Variants in TBC1D16 observed in about 807,000 individuals in gnomAD.
TBC1D16 encodes TBC1 domain family member 16, also known as CTD-2529O21.1.
In TBC1D16, 58 loss-of-function variants were observed where a neutral mutation model predicts 74.7. The observed-to-expected ratio is 0.78, with a 90% CI of 0.63 to 0.97. The LOEUF is 0.97. Ranked by LOEUF, TBC1D16 falls within the 50% of genes least tolerant of loss-of-function variation. The pLI, the probability that TBC1D16 is intolerant of heterozygous loss-of-function variation, is 0.00. For synonymous variants in TBC1D16, 493 were observed against 474.7 expected, an observed-to-expected ratio of 1.04 and a Z score of -0.50; for missense variants, 1,014 against 1,079.5, an observed-to-expected ratio of 0.94 and a Z score of 0.85.
chr17:79,983,291 C>T lies in TBC1D16; in HGVS notation c.779+26869G>A, dbSNP rs371296433. Among the ~76,000 whole-genome samples, 522 of 152,316 alleles carry T rather than the reference C, an allele frequency of 3.4e-3. 5 individuals carry two copies. The highest frequency in any genetic ancestry group is 0.01 in the African/African-American group (424 of 41,566). On this transcript the variant is annotated intron_variant, in intron 3 of 11. Coordinates refer to ENST00000310924, the MANE Select transcript of TBC1D16 (RefSeq NM_019020.4). The surrounding 1 kb of genome is among the most constrained non-coding windows in gnomAD (Gnocchi z 5.6). ...TAATCTCAGGGACTCTCAGCTGGCC[C>T]CACCCCAGGAAATGCAGTCGGTGTG...
At chr17:80,005,658 A>C (rs2035647065) in intron 3 of TBC1D16, among the ~76,000 whole-genome samples, 2 of 152,126 alleles carry the variant, frequency 1.3e-5, no homozygotes, top group African/African-American at 4.8e-5. Flanking sequence ...GTCAGCCTCG[A>C]ATACTCACTT....
chr17:80,003,954 T>C (rs1297244033), intron 3 of TBC1D16, among the ~76,000 whole-genome samples: 3 of 152,030 alleles, frequency 2.0e-5, no homozygotes, highest in African/African-American at 7.2e-5. Context: ...GAGGCTGAGG[T>C]GGGAGGATCG....
At chr17:79,974,968 T>G (rs1376010830) in intron 3 of TBC1D16, among the ~76,000 whole-genome samples, 1 of 152,228 alleles carries the variant, frequency 6.6e-6, no homozygotes, top group Admixed American at 6.5e-5. Flanking sequence ...GTTTTTGCCT[T>G]TGACCTGGGG....
At chr17:79,955,876 G>C (rs995225138) in intron 3 of TBC1D16, among the ~76,000 whole-genome samples, 2 of 152,182 alleles carry the variant, frequency 1.3e-5, no homozygotes, top group South Asian at 4.1e-4. Flanking sequence ...AGATTTAAAA[G>C]GGCCTCAAAT....
chr17:79,951,157 A>G (rs1466658779), intron 5 of TBC1D16, among the ~76,000 whole-genome samples: 1 of 152,232 alleles, frequency 6.6e-6, no homozygotes, highest in Admixed American at 6.5e-5. Context: ...ACAGTACCTT[A>G]AACAGATAAT....
At chr17:80,019,955 T>C (rs1204177210) in intron 1 of TBC1D16, among the ~76,000 whole-genome samples, 1 of 149,974 alleles carries the variant, frequency 6.7e-6, no homozygotes, top group Non-Finnish European at 1.5e-5. Context: ...TACCCAAGAA[T>C]GAAACTGTTT....
In TBC1D16 at chr17:80,001,653, C is replaced by T. The variant is rs896411425; in HGVS notation, c.779+8507G>A. Among the ~76,000 whole-genome samples, 4 of 152,122 alleles carry T rather than the reference C, an allele frequency of 2.6e-5. No individual in the cohort carries two copies. The highest frequency in any genetic ancestry group is 2.9e-5 in the Non-Finnish European group (2 of 68,006). ...TCCCAGCTCCTGGCCATCCCACCTC[C>T]GAGGTCTCTCTGGGACCCAGTTGTC... On this transcript the variant is annotated intron_variant, in intron 3 of 11. Transcript: ENST00000310924. The surrounding 1 kb of genome is among the most constrained non-coding windows in gnomAD (Gnocchi z 5.8).
intron 1 of TBC1D16, among the ~76,000 whole-genome samples, chr17:80,024,564 G>GGCACACACGCC (rs1598443292): frequency 1.5e-5 from 2 of 130,226 alleles, no homozygotes; most frequent in Non-Finnish European, 3.3e-5. Context: ...CACCACACAC[G>GGCACACACGCC]ACACACCATA....
intron 3 of TBC1D16, among the ~76,000 whole-genome samples, chr17:79,963,675 G>C (rs1293546784): frequency 6.6e-6 from 1 of 152,130 alleles, no homozygotes; most frequent in Non-Finnish European, 1.5e-5. Flanking sequence ...CACAGCAGCT[G>C]TACCACCTTA....
chr17:80,017,400 G>A (rs1010274533), intron 1 of TBC1D16, among the ~76,000 whole-genome samples: 2 of 151,978 alleles, frequency 1.3e-5, no homozygotes, highest in Admixed American at 6.6e-5. Context: ...CGTAAAAACC[G>A]GCCAGGCGCG....
Position 79,935,627 on chromosome 17 carries a change from A to G in TBC1D16, c.*5232T>C, listed in dbSNP as rs1263943032. On this transcript the variant is annotated 3_prime_UTR_variant, in exon 12 of 12. Transcript: ENST00000310924. ...CTTCCAGAGGCACTGTACAGCGTGC[A>G]TCTGTTGTCAGTACAGTTTTATTTG... The G allele has an allele frequency of 6.6e-6, 1 of 152,300 alleles. No homozygotes were observed. Among genetic ancestry groups the G allele is most frequent in the African/African-American group, 2.4e-5 (1 of 41,466 alleles). 9.4% of individuals were successfully genotyped at this position (152,300 alleles called of 1,614,324 possible). A position where few individuals can be genotyped will look rare whatever the true frequency, so the allele number is the denominator to read the frequency against.
chr17:80,019,288 G>A lies in TBC1D16; in HGVS notation c.-62-5679C>T, dbSNP rs915423946. ...GAACCTCACTGTGGCTCTGCGAGGT[G>A]CGTCCCAACAGTGCAGCTTTACGGA... is the stretch of plus-strand genomic sequence containing the variant. On this transcript the variant is annotated intron_variant, in intron 1 of 11. Transcript: ENST00000310924. 3.9e-4 allele frequency among the ~76,000 whole-genome samples: 59 copies of A among 149,886 alleles called. 6 individuals carry two copies. The highest frequency in any genetic ancestry group is 1.5e-3 in the African/African-American group (57 of 39,296).
chr17:79,986,319 G>A lies in TBC1D16; in HGVS notation c.779+23841C>T, dbSNP rs921719016. On this transcript the variant is annotated intron_variant, in intron 3 of 11. Coordinates refer to ENST00000310924, the MANE Select transcript of TBC1D16 (RefSeq NM_019020.4). This position sits in a 1 kb window ranked among gnomAD's most constrained non-coding sequence, Gnocchi z 6.0. The stretch of plus-strand genomic sequence containing the variant: ...AGGTCTATATCCCAAGGCCACGTTC[G>A]CTTCATAAACGCAAGGTGATCTCTG... Among the ~76,000 whole-genome samples the A allele has an allele frequency of 3.9e-5, 6 of 152,206 alleles. No homozygotes were observed. The highest frequency in any genetic ancestry group is 2.1e-4 in the South Asian group (1 of 4,834).
chr17:80,011,374 G>A (rs1276450073), intron 2 of TBC1D16, among the ~76,000 whole-genome samples: 2 of 152,078 alleles, frequency 1.3e-5, no homozygotes, highest in African/African-American at 2.4e-5. Flanking sequence ...AAGTACACCA[G>A]GGGCTCTCCC....
At chr17:79,964,133 G>A (rs1050687403) in intron 3 of TBC1D16, among the ~76,000 whole-genome samples, 6 of 151,848 alleles carry the variant, frequency 4.0e-5, no homozygotes, top group African/African-American at 1.5e-4. Context: ...GCACCACCAC[G>A]CCCAGCTAAT....
At chr17:80,015,950 T>G (rs1475213197) in intron 1 of TBC1D16, among the ~76,000 whole-genome samples, 4 of 147,230 alleles carry the variant, frequency 2.7e-5, no homozygotes, top group East Asian at 2.0e-4. Context: ...GGTGGAGGTT[T>G]CAGTGAGCCG....
Position 80,010,746 on chromosome 17 carries a change from A to G in TBC1D16, c.193T>C (p.Leu65=). 1.3e-6 allele frequency: 2 copies of G among 1,494,904 alleles called. No homozygotes were observed. The highest frequency in any genetic ancestry group is 1.8e-6 in the Non-Finnish European group (2 of 1,124,552). 92.6% of individuals were successfully genotyped at this position (1,494,904 alleles called of 1,614,324 possible). The change falls in exon 3 of 12, where the codon TTG becomes CTG. Residue 65 remains leucine, a synonymous_variant. Transcript: ENST00000310924. This position sits in a 1 kb window ranked among gnomAD's most constrained non-coding sequence, Gnocchi z 8.8. Reference sequence around the variant, plus strand: ...AGCATCTCATCCTTCTCCATGTACAAGCACAGGTAACCTGTGAGGAGCCAG... The same window carrying G: ...AGCATCTCATCCTTCTCCATGTACAGGCACAGGTAACCTGTGAGGAGCCAG... The part of the protein sequence containing the change: ...LGEHHPGYLC[L]YMEKDEMLGA...
At chr17:80,018,632 C>A (rs1397204317) in intron 1 of TBC1D16, among the ~76,000 whole-genome samples, 4 of 145,814 alleles carry the variant, frequency 2.7e-5, no homozygotes, top group Non-Finnish European at 5.9e-5. Context: ...TTTTTAGAGA[C>A]AGGTTGTCAC....
rs1460190507 is a variant in TBC1D16 at position 80,008,671 on chromosome 17, C to T, written c.779+1489G>A. On this transcript the variant is annotated intron_variant, in intron 3 of 11. Coordinates refer to ENST00000310924, the MANE Select transcript of TBC1D16 (RefSeq NM_019020.4). The surrounding 1 kb of genome is among the most constrained non-coding windows in gnomAD (Gnocchi z 4.5). ...CCCCACACCTCCTCGGGTTCCCTGG[C>T]GCCTGACGCCACCCAGCTCAGCAAG... 2.6e-5 allele frequency among the ~76,000 whole-genome samples: 4 copies of T among 152,192 alleles called. No homozygotes were observed. The South Asian group carries it at 6.2e-4, about 24-fold the overall frequency.
Sources: gnomAD v4.1 joint callset for allele counts (sites outside exome capture counted in the v4.1 genomes callset) on GRCh38, gnomAD v4.1.1 for gene constraint, Gnocchi (gnomAD v3.1) non-coding constraint, MANE v1.5 for transcripts, NCBI Gene and HGNC (gene_info 2026-07-23, HGNC 2026-07-21) for gene names.